PSMA5: variants seen among roughly 807,000 people sequenced by gnomAD.
PSMA5 encodes the protein proteasome 20S subunit alpha 5.
A neutral mutation model predicts 34.5 loss-of-function variants in PSMA5; 3 were observed. The observed-to-expected ratio is 0.09, with a 90% CI of 0.04 to 0.22. The LOEUF is 0.22. PSMA5 is among the 10% of genes least tolerant of loss of function. The pLI, the probability that PSMA5 is intolerant of heterozygous loss-of-function variation, is 1.00. For missense variants in PSMA5, 120 were observed against 286.1 expected, an observed-to-expected ratio of 0.42 and a Z score of 4.19; for synonymous variants, 88 against 95.8, an observed-to-expected ratio of 0.92 and a Z score of 0.47.
Position 109,411,184 on chromosome 1 carries a change from A to G in PSMA5, c.459-71T>C, listed in dbSNP as rs984449451. 13 of 1,044,068 alleles carry G rather than the reference A, an allele frequency of 1.2e-5. No individual in the cohort carries two copies. In the African/African-American group the frequency reaches 2.1e-4, roughly 17 times the overall value. 64.7% of individuals were successfully genotyped at this position (1,044,068 alleles called of 1,614,324 possible). On this transcript the variant is annotated intron_variant, in intron 6 of 8. Transcript: ENST00000271308. ...CACTTTATGTAACAAACGTCTCACTAAAACAAAGTATAAATGCTTGGCCCT... is the reference window on the plus strand; with the variant it reads ...CACTTTATGTAACAAACGTCTCACTGAAACAAAGTATAAATGCTTGGCCCT...
chr1:109,407,595 T>A (rs907418498), intron 8 of PSMA5, among the ~76,000 whole-genome samples: 5 of 152,194 alleles, frequency 3.3e-5, no homozygotes, highest in South Asian at 4.1e-4. Context: ...TACTGATTGG[T>A]TTAATTACTG....
intron 8 of PSMA5, among the ~76,000 whole-genome samples, chr1:109,404,122 G>A (rs1429467738): frequency 2.0e-5 from 3 of 152,058 alleles, no homozygotes; most frequent in South Asian, 4.1e-4. Context: ...TCAGGAGTTC[G>A]AGACCAGCCT....
At position 109,399,748 on chromosome 1, in the gene PSMA5, ATATT is replaced by A. The variant is rs1366950134; in HGVS notation, c.*2261_*2264del. On this transcript the variant is annotated 3_prime_UTR_variant, in exon 9 of 9. Transcript: ENST00000271308. ...GCACTGAGAAAATGTTTGAGTGAATATATTTATTATTTCACTTTTTAAATTGGAA... is the reference window on the plus strand; with the variant it reads ...GCACTGAGAAAATGTTTGAGTGAATATATTATTTCACTTTTTAAATTGGAA... 3.3e-5 allele frequency: 5 copies of A among 152,200 alleles called. No individual in the cohort carries two copies. Among genetic ancestry groups the A allele is most frequent in the African/African-American group, 9.7e-5 (4 of 41,442 alleles). 9.4% of individuals were successfully genotyped at this position (152,200 alleles called of 1,614,324 possible).
chr1:109,415,966 A>G (rs564697500), intron 2 of PSMA5, among the ~76,000 whole-genome samples: 2 of 152,330 alleles, frequency 1.3e-5, no homozygotes, highest in South Asian at 4.1e-4. Flanking sequence ...TAAGGTCGCT[A>G]GAAGTCCACA....
intron 7 of PSMA5, 123 bp downstream of exon 7, chr1:109,410,888 G>T: frequency 1.4e-6 from 1 of 698,192 alleles, no homozygotes; most frequent in Non-Finnish European, 2.4e-6. Flanking sequence ...GGTGATGAAA[G>T]TGTTATTTAT....
intron 2 of PSMA5, among the ~76,000 whole-genome samples, chr1:109,416,706 AG>A (rs1571025293): frequency 6.6e-6 from 1 of 152,250 alleles, no homozygotes; most frequent in African/African-American, 2.4e-5. Context: ...GACTTTATTT[AG>A]AAGTGTTATT....
chr1:109,402,015 A>C lies in PSMA5; in HGVS notation c.724T>G (p.Ter242GluextTer15). The C allele has an allele frequency of 6.2e-7, 1 of 1,605,996 alleles. No homozygotes were observed. The highest frequency in any genetic ancestry group is 8.5e-7 in the Non-Finnish European group (1 of 1,173,634). The change falls in exon 9 of 9, where the codon TAA becomes GAA. Residue 242 changes from the stop codon to glutamate, a stop_lost. Coordinates refer to ENST00000271308, the MANE Select transcript of PSMA5 (RefSeq NM_002790.4). ...EELEEVIKDI[*>E] ...GAAGTTCTGAGGATCAGGATTCCTT[A>C]AATGTCCTTGATAACCTCTTCAAGT...
rs1653417254 is a variant in PSMA5, at chr1:109,399,629, T to C, written c.*2384A>G. On this transcript the variant is annotated 3_prime_UTR_variant, in exon 9 of 9. Coordinates refer to ENST00000271308, the MANE Select transcript of PSMA5 (RefSeq NM_002790.4). ...TCCAATTATCTGTACCTTCACTTTT[T>C]AGTATGTTGCTTTTAGTTATCACAG... 6.6e-6 allele frequency: 1 copy of C among 152,274 alleles called. No individual in the cohort carries two copies. The highest frequency in any genetic ancestry group is 1.5e-5 in the Non-Finnish European group (1 of 68,046). The allele number at this position is 152,274 out of a possible 1,614,324, so 9.4% of individuals were successfully genotyped here.
chr1:109,402,738 T>C (rs1571010849), intron 8 of PSMA5, among the ~76,000 whole-genome samples: 1 of 152,176 alleles, frequency 6.6e-6, no homozygotes, highest in East Asian at 1.9e-4. Flanking sequence ...GGAGTTTCGC[T>C]CTTGTTGTTC....
intron 2 of PSMA5, among the ~76,000 whole-genome samples, chr1:109,418,479 C>T (rs1025681573): frequency 3.3e-5 from 5 of 152,158 alleles, no homozygotes; most frequent in African/African-American, 1.2e-4. Context: ...CTACACTCAA[C>T]TAATTTTTTA....
intron 7 of PSMA5, among the ~76,000 whole-genome samples, 197 bp from the exon 8 acceptor site, chr1:109,410,211 C>A (rs577602260): frequency 2.0e-4 from 31 of 152,136 alleles, no homozygotes; most frequent in Middle Eastern, 3.4e-3. Context: ...GGAAAAAAAA[C>A]CCCCAAACCT....
intron 1 of PSMA5, 145 bp from the exon 2 acceptor site, chr1:109,422,071 C>T: frequency 1.9e-6 from 1 of 519,006 alleles, no homozygotes; most frequent in Middle Eastern, 5.1e-4. Flanking sequence ...CAATCTGTAG[C>T]ATTTTTTTGT....
intron 2 of PSMA5, among the ~76,000 whole-genome samples, chr1:109,420,456 G>A (rs1450242327): frequency 6.6e-6 from 1 of 152,154 alleles, no homozygotes; most frequent in East Asian, 1.9e-4. Flanking sequence ...TTAAAGTGTT[G>A]CCTCTGAAAA....
chr1:109,407,779 T>A (rs574638492), intron 8 of PSMA5, among the ~76,000 whole-genome samples: 1 of 152,146 alleles, frequency 6.6e-6, no homozygotes, highest in South Asian at 2.1e-4. Context: ...ATAGCTGAGA[T>A]TACAGGCACG....
intron 8 of PSMA5, among the ~76,000 whole-genome samples, 155 bp downstream of exon 8, chr1:109,409,773 G>C (rs1653920912): frequency 6.6e-6 from 1 of 152,010 alleles, no homozygotes; most frequent in African/African-American, 2.4e-5. Context: ...ACATTAACCA[G>C]GCATGGTGTG....
intron 1 of PSMA5, among the ~76,000 whole-genome samples, chr1:109,423,868 T>C (rs1356089401): frequency 6.6e-6 from 1 of 152,236 alleles, no homozygotes; most frequent in Non-Finnish European, 1.5e-5. Flanking sequence ...AATTAATCTC[T>C]GTAAAACACA....
intron 1 of PSMA5, among the ~76,000 whole-genome samples, chr1:109,424,991 C>T (rs571253647): frequency 7.2e-6 from 1 of 139,798 alleles, no homozygotes; most frequent in Non-Finnish European, 1.5e-5. Flanking sequence ...GTCTCAAAAA[C>T]AAACAAAACC....
At chr1:109,419,057 G>A (rs1323029220) in intron 2 of PSMA5, among the ~76,000 whole-genome samples, 1 of 152,132 alleles carries the variant, frequency 6.6e-6, no homozygotes, top group Non-Finnish European at 1.5e-5. Context: ...GGAGGCTGAG[G>A]CAGGAGAATC....
At chr1:109,405,308 G>A (rs1653704906) in intron 8 of PSMA5, among the ~76,000 whole-genome samples, 1 of 152,268 alleles carries the variant, frequency 6.6e-6, no homozygotes, top group Admixed American at 6.5e-5. Flanking sequence ...TAGAAGTGTT[G>A]TGAAGATTAA....
Sources: allele counts gnomAD v4.1 joint callset (sites outside exome capture counted in the v4.1 genomes callset), GRCh38; gene constraint gnomAD v4.1.1; transcripts MANE v1.5; gene names NCBI Gene and HGNC (gene_info 2026-07-23, HGNC 2026-07-21).